Variants in SESN3 observed in about 807,000 individuals in gnomAD.
SESN3 encodes sestrin-3.
In SESN3, 21 loss-of-function variants were observed where a neutral mutation model predicts 55.3. The observed-to-expected ratio is 0.38, with a 90% confidence interval of 0.27 to 0.55. The LOEUF (loss-of-function observed/expected upper bound fraction) is 0.55. SESN3 is among the 20% of genes least tolerant of loss of function. The probability of loss-of-function intolerance (pLI) is 0.76; values close to 1 mark genes in which losing one functional copy is unlikely to be tolerated. For missense variants in SESN3, 408 were observed against 604.3 expected (o/e 0.68, Z 3.41); for synonymous variants, 181 against 203.1 (o/e 0.89, Z 0.93).
intron 9 of SESN3, among the ~76,000 whole-genome samples, chr11:95,175,093 G>A (rs1166566811): frequency 6.6e-6 from 1 of 152,178 alleles, no homozygotes; most frequent in Non-Finnish European, 1.5e-5. Context: ...GCTGGGCACA[G>A]TGGCTCCTGC....
At chr11:95,213,788 C>CT (rs1393409928) in intron 1 of SESN3, among the ~76,000 whole-genome samples, 1 of 152,054 alleles carries the variant, frequency 6.6e-6, no homozygotes, top group African/African-American at 2.4e-5. Context: ...CTAGGCAACT[C>CT]TTTTTTTCTC....
intron 1 of SESN3, among the ~76,000 whole-genome samples, chr11:95,213,936 A>T (rs1263547775): frequency 1.3e-5 from 2 of 152,234 alleles, no homozygotes; most frequent in Non-Finnish European, 2.9e-5. Flanking sequence ...GTAAAAAAGA[A>T]AAAAGAAAAA....
In SESN3 at chr11:95,178,792, G is replaced by C; in HGVS notation, c.974C>G (p.Ser325Cys). The C allele has an allele frequency of 6.2e-7, 1 of 1,610,170 alleles. No homozygotes were observed. ...EDDMIITSDVSRYIEDPGFGY... is the reference protein window; with the variant it reads ...EDDMIITSDVCRYIEDPGFGY... ...AAAACCAGGGTCTTCAATATATCGA[G>C]AGACATCAGATGTTATAATCATGTC... Residue 325 changes from serine (S) to cysteine (C), a missense_variant, in exon 7 of 10, where the codon TCT becomes TGT. Around this residue, in one of 4 missense-constraint regions of SESN3, gnomAD observed 119 missense variants for 139.9 expected, o/e 0.85. Coordinates refer to ENST00000536441, the MANE Select transcript of SESN3 (RefSeq NM_144665.4).
At chr11:95,220,928 T>C (rs147614969) in intron 1 of SESN3, among the ~76,000 whole-genome samples, 19 of 152,330 alleles carry the variant, frequency 1.2e-4, no homozygotes, top group Non-Finnish European at 2.5e-4. Flanking sequence ...TGATAACATA[T>C]GTAGAGTTTA....
rs558007087 is a variant in SESN3 at position 95,190,138 on chromosome 11, G to A, written c.343-177C>T. On this transcript the variant is annotated intron_variant, in intron 3 of 9. Transcript: ENST00000536441. ...TGATGTAATAGATTCAATACATGAA[G>A]CTGATACTTGTATAAGCAAATAATT... 5.9e-5 allele frequency among the ~76,000 whole-genome samples: 9 copies of A among 152,010 alleles called. No individual in the cohort carries two copies. The East Asian group carries it at 1.4e-3, about 23-fold the overall frequency.
At chr11:95,216,110 GAA>G (rs71036381) in intron 1 of SESN3, among the ~76,000 whole-genome samples, 85 of 122,212 alleles carry the variant, frequency 7.0e-4, no homozygotes, top group African/African-American at 2.5e-3. Context: ...AAAAAAAAAA[GAA>G]AAAAAAAAAA....
intron 1 of SESN3, among the ~76,000 whole-genome samples, chr11:95,207,743 T>C (rs928434119): frequency 1.5e-5 from 2 of 136,450 alleles, no homozygotes; most frequent in African/African-American, 5.0e-5. Flanking sequence ...TATAATATCA[T>C]ATAATTTACA....
Position 95,231,157 on chromosome 11 carries a change from C to G in SESN3, c.-297G>C, listed in dbSNP as rs1861056258. 2.4e-6 allele frequency: 1 copy of G among 416,816 alleles called. No individual in the cohort carries two copies. Among genetic ancestry groups the G allele is most frequent in the Non-Finnish European group, 4.2e-6 (1 of 238,746 alleles). 25.8% of individuals were successfully genotyped at this position (416,816 alleles called of 1,614,324 possible). Reference sequence around the variant, plus strand: ...CCCCCGCCAGGCTAGGACGAGCAGCCGCCACCGCTGCCACCGCCACCACCG... The same window carrying G: ...CCCCCGCCAGGCTAGGACGAGCAGCGGCCACCGCTGCCACCGCCACCACCG... On this transcript the variant is annotated 5_prime_UTR_variant, in exon 1 of 10. Transcript: ENST00000536441.
chr11:95,229,753 C>A (rs937435275), intron 1 of SESN3, among the ~76,000 whole-genome samples: 1 of 152,170 alleles, frequency 6.6e-6, no homozygotes, highest in Non-Finnish European at 1.5e-5. Flanking sequence ...GTACCATATT[C>A]ATCTCCGCTT....
Position 95,191,619 on chromosome 11 carries a change from C to T in SESN3, c.145-18G>A. On this transcript the variant is annotated intron_variant, in intron 2 of 9. Coordinates refer to ENST00000536441, the MANE Select transcript of SESN3 (RefSeq NM_144665.4). The stretch of plus-strand genomic sequence containing the variant: ...TGGACAACCTTATAACCAAAAAAAA[C>T]AAAACAAAATGACTATTGAGACATA... 6.3e-7 allele frequency: 1 copy of T among 1,584,524 alleles called. No individual in the cohort carries two copies.
intron 1 of SESN3, chr11:95,203,734 G>A (rs1860498070): frequency 1.3e-5 from 2 of 152,132 alleles, no homozygotes; most frequent in African/African-American, 4.8e-5. Context: ...GCTCATTTAA[G>A]TAAACAGTTC....
chr11:95,215,445 C>T (rs550120556), intron 1 of SESN3, among the ~76,000 whole-genome samples: 1 of 152,180 alleles, frequency 6.6e-6, no homozygotes, highest in African/African-American at 2.4e-5. Flanking sequence ...ACGATAGCTA[C>T]GGTCTGGGGG....
chr11:95,210,626 A>T (rs996445892), intron 1 of SESN3, among the ~76,000 whole-genome samples: 6 of 152,246 alleles, frequency 3.9e-5, no homozygotes, highest in African/African-American at 1.4e-4. Context: ...CAATTAAAAC[A>T]AATTTTCATT....
chr11:95,185,882 G>A (rs141788294), intron 4 of SESN3, among the ~76,000 whole-genome samples: 9 of 151,928 alleles, frequency 5.9e-5, no homozygotes, highest in East Asian at 5.8e-4. Context: ...ACAAAATCAC[G>A]AAAAACCCCA....
At chr11:95,183,681 CAAA>C (rs34308912) in intron 6 of SESN3, among the ~76,000 whole-genome samples, 12 of 93,200 alleles carry the variant, frequency 1.3e-4, no homozygotes, top group Non-Finnish European at 1.6e-4. Flanking sequence ...GACTCTGTCT[CAAA>C]AAAAAAAAAA....
chr11:95,191,733 C>G (rs1860272967), intron 2 of SESN3, 132 bp from the exon 3 acceptor site: 1 of 654,806 alleles, frequency 1.5e-6, no homozygotes, highest in South Asian at 2.1e-5. Context: ...TATGCAGTTG[C>G]TCATACTGGA....
chr11:95,197,743 A>G (rs1860388568), intron 1 of SESN3, among the ~76,000 whole-genome samples: 1 of 151,966 alleles, frequency 6.6e-6, no homozygotes, highest in African/African-American at 2.4e-5. Context: ...ATTCTACTCA[A>G]ATTTGTTATG....
chr11:95,184,391 C>T (rs1407839976), intron 6 of SESN3, 29 bp downstream of exon 6: 2 of 1,610,034 alleles, frequency 1.2e-6, no homozygotes, highest in Non-Finnish European at 8.5e-7. Flanking sequence ...CTAAGAACAA[C>T]TAAAAGGCAA....
chr11:95,213,195 C>CT (rs1277404926), intron 1 of SESN3, among the ~76,000 whole-genome samples: 1 of 151,986 alleles, frequency 6.6e-6, no homozygotes, highest in Non-Finnish European at 1.5e-5. Context: ...TTGTGGATGT[C>CT]TGTCCACTTC....
Sources: gnomAD v4.1 joint callset for allele counts (sites outside exome capture counted in the v4.1 genomes callset) on GRCh38, gnomAD v4.1.1 for gene constraint, gnomAD v4.1.1 regional missense constraint, MANE v1.5 for transcripts, NCBI Gene and HGNC (gene_info 2026-07-23, HGNC 2026-07-21) for gene names.